SLC6A19: variants seen among roughly 807,000 people sequenced by gnomAD.
SLC6A19 encodes the protein solute carrier family 6 member 19.
SLC6A19 carries 67 observed loss-of-function variants against 68.3 expected under a neutral mutation model. The ratio of observed to expected loss-of-function variants is 0.98; its 90% CI spans 0.81 to 1.20. SLC6A19 has a LOEUF of 1.20. Ranked by LOEUF, SLC6A19 falls within the 50% of genes most tolerant of loss-of-function variation. The probability of loss-of-function intolerance (pLI) is 0.00; values close to 1 mark genes in which losing one functional copy is unlikely to be tolerated. For missense variants in SLC6A19, 813 were observed against 851.6 expected (o/e 0.95, Z 0.56); for synonymous variants, 392 against 374.9 (o/e 1.05, Z -0.53).
chr5:1,214,191 C>T lies in SLC6A19; in HGVS notation c.887+126C>T. Reference sequence around the variant, plus strand: ...CCGGGGCCTTGCTGCCCCGATGGGCCCGTTCCCTCCTGCTCGGGGTCCATG... The same window carrying T: ...CCGGGGCCTTGCTGCCCCGATGGGCTCGTTCCCTCCTGCTCGGGGTCCATG... On this transcript the variant is annotated intron_variant, in intron 6 of 11. Transcript: ENST00000304460. The surrounding 1 kb of genome is among the most constrained non-coding windows in gnomAD (Gnocchi z 7.4). The T allele has an allele frequency of 6.6e-7, 1 of 1,516,352 alleles. No individual in the cohort carries two copies. Among genetic ancestry groups the T allele is most frequent in the Non-Finnish European group, 8.9e-7 (1 of 1,127,606 alleles). 93.9% of individuals were successfully genotyped at this position (1,516,352 alleles called of 1,614,324 possible).
rs1054464669 is a variant in SLC6A19 at position 1,215,990 on chromosome 5, T to G, written c.888-568T>G. Among the ~76,000 whole-genome samples the G allele has an allele frequency of 6.6e-6, 1 of 152,204 alleles. No individual in the cohort carries two copies. Among genetic ancestry groups the G allele is most frequent in the Non-Finnish European group, 1.5e-5 (1 of 68,036 alleles). On this transcript the variant is annotated intron_variant, in intron 6 of 11. Transcript: ENST00000304460. This position sits in a 1 kb window ranked among gnomAD's most constrained non-coding sequence, Gnocchi z 5.1. Reference sequence around the variant, plus strand: ...TTTCCCTGAGGCTAACAGATTCAGCTTTTGATGGAAGCATCTGGAAGGATG... The same window carrying G: ...TTTCCCTGAGGCTAACAGATTCAGCGTTTGATGGAAGCATCTGGAAGGATG...
intron 11 of SLC6A19, 128 bp from the exon 12 acceptor site, chr5:1,221,573 G>A: frequency 8.2e-7 from 1 of 1,226,480 alleles, no homozygotes; most frequent in Non-Finnish European, 1.2e-6. Flanking sequence ...GGAAGCTGGA[G>A]GAGCCCCAGG....
In SLC6A19 at chr5:1,201,630, C is replaced by T. The variant is rs370713589; in HGVS notation, c.-21C>T. 139 of 1,597,322 alleles carry T rather than the reference C, an allele frequency of 8.7e-5. 1 individual carries two copies. Among genetic ancestry groups the T allele is most frequent in the Admixed American group, 2.7e-4 (16 of 59,150 alleles). ...CAGCTTCTGCCCTGCCTGCTGTGTGCGGAGCCGTCCAGCGACCACCATGGT... is the reference window on the plus strand; with the variant it reads ...CAGCTTCTGCCCTGCCTGCTGTGTGTGGAGCCGTCCAGCGACCACCATGGT... On this transcript the variant is annotated 5_prime_UTR_variant, in exon 1 of 12. Transcript: ENST00000304460.
In SLC6A19 at chr5:1,208,180, G is replaced by A. The variant is rs4246744; in HGVS notation, c.203-566G>A. 5.8e-4 allele frequency among the ~76,000 whole-genome samples: 89 copies of A among 152,184 alleles called. 3 individuals carry two copies. The East Asian group carries it at 0.01, about 17-fold the overall frequency. On this transcript the variant is annotated intron_variant, in intron 1 of 11. Coordinates refer to ENST00000304460, the MANE Select transcript of SLC6A19 (RefSeq NM_001003841.3). ...AGAACTCTGTCTTAAGAACCAAAAC[G>A]GTCCCCATTAAACCCTAATTCCCCA...
rs1443135754 is a variant in SLC6A19, at chr5:1,215,572, C to T, written c.888-986C>T. ...TCAAGGCTCATCCCATCACAGCCGG[C>T]GTCAGAGCGCCATTCCTGTTTAGGG... is the stretch of plus-strand genomic sequence containing the variant. On this transcript the variant is annotated intron_variant, in intron 6 of 11. Coordinates refer to ENST00000304460, the MANE Select transcript of SLC6A19 (RefSeq NM_001003841.3). This position sits in a 1 kb window ranked among gnomAD's most constrained non-coding sequence, Gnocchi z 5.1. Among the ~76,000 whole-genome samples, 1 of 152,236 alleles carries T rather than the reference C, an allele frequency of 6.6e-6. No individual in the cohort carries two copies. The highest frequency in any genetic ancestry group is 1.5e-5 in the Non-Finnish European group (1 of 68,044).
intron 11 of SLC6A19, 72 bp from the exon 12 acceptor site, chr5:1,221,629 A>AG: frequency 1.3e-6 from 2 of 1,573,692 alleles, no homozygotes; most frequent in Non-Finnish European, 1.7e-6. Flanking sequence ...TCATGGGGTG[A>AG]GGGGCCTTTG....
At chr5:1,213,786 C>T (rs1189293129) in intron 5 of SLC6A19, among the ~76,000 whole-genome samples, 167 bp from the exon 6 acceptor site, 1 of 152,034 alleles carries the variant, frequency 6.6e-6, no homozygotes, top group Non-Finnish European at 1.5e-5. Flanking sequence ...CCCCTGTGAG[C>T]CGACGGAGCC....
Position 1,221,889 on chromosome 5 carries a change from G to C in SLC6A19, c.1890G>C (p.Gly630=). The change falls in exon 12 of 12, where the codon GGG becomes GGC. Residue 630 remains glycine, a synonymous_variant. Transcript: ENST00000304460. ...CACTGTCCACAGCCTCCATGAACGG[G>C]GACCTGAAGTACTGAGAAGGCCCAT... The part of the protein sequence containing the change: ...VSTLSTASMN[G]DLKY The C allele has an allele frequency of 6.2e-7, 1 of 1,614,104 alleles. No individual in the cohort carries two copies. Among genetic ancestry groups the C allele is most frequent in the East Asian group, 2.2e-5 (1 of 44,884 alleles).
chr5:1,216,060 G>T (rs1302812550), intron 6 of SLC6A19, among the ~76,000 whole-genome samples: 1 of 152,190 alleles, frequency 6.6e-6, no homozygotes, highest in African/African-American at 2.4e-5. Context: ...GAGCTGGCTG[G>T]GTTGGGTCAG....
chr5:1,213,516 C>G lies in SLC6A19; in HGVS notation c.717C>G (p.Ile239Met), dbSNP rs372335743. 1.7e-5 allele frequency: 27 copies of G among 1,608,366 alleles called. 1 individual carries two copies. The highest frequency in any genetic ancestry group is 1.6e-4 in the Middle Eastern group (1 of 6,068). Residue 239 changes from isoleucine (I) to methionine (M), a missense_variant, in exon 5 of 12, where the codon ATC becomes ATG. Physicochemically the swap from Ile to Met is conservative, Grantham distance 10. Coordinates refer to ENST00000304460, the MANE Select transcript of SLC6A19 (RefSeq NM_001003841.3). ...ATGTCGTCCTGACCATCTTCCTCAT[C>G]CGAGGCCTGACGCTGAAGGGCGCCA... Reference protein sequence around the residue: ...LPYVVLTIFLIRGLTLKGATN... With the variant: ...LPYVVLTIFLMRGLTLKGATN...
Position 1,215,597 on chromosome 5 carries a change from G to T in SLC6A19, c.888-961G>T, listed in dbSNP as rs76538096. Among the ~76,000 whole-genome samples, 71 of 152,356 alleles carry T rather than the reference G, an allele frequency of 4.7e-4. 1 individual carries two copies. In the East Asian group the frequency reaches 0.014, roughly 29 times the overall value. Reference sequence around the variant, plus strand: ...CGTCAGAGCGCCATTCCTGTTTAGGGCTGAGCAATATTTCATGGTGTGCAT... The same window carrying T: ...CGTCAGAGCGCCATTCCTGTTTAGGTCTGAGCAATATTTCATGGTGTGCAT... On this transcript the variant is annotated intron_variant, in intron 6 of 11. Coordinates refer to ENST00000304460, the MANE Select transcript of SLC6A19 (RefSeq NM_001003841.3). This position sits in a 1 kb window ranked among gnomAD's most constrained non-coding sequence, Gnocchi z 5.1.
chr5:1,214,442 C>T lies in SLC6A19; in HGVS notation c.887+377C>T, dbSNP rs1311528727. On this transcript the variant is annotated intron_variant, in intron 6 of 11. Transcript: ENST00000304460. This position sits in a 1 kb window ranked among gnomAD's most constrained non-coding sequence, Gnocchi z 7.4. ...TGGCGCCCCCGACGCCCTCCACGTCCCCGACCAAGGTCTGATCCTTCCACT... is the reference window on the plus strand; with the variant it reads ...TGGCGCCCCCGACGCCCTCCACGTCTCCGACCAAGGTCTGATCCTTCCACT... 6.6e-6 allele frequency among the ~76,000 whole-genome samples: 1 copy of T among 152,224 alleles called. No individual in the cohort carries two copies. Among genetic ancestry groups the T allele is most frequent in the Non-Finnish European group, 1.5e-5 (1 of 68,034 alleles).
At position 1,219,489 on chromosome 5, in the gene SLC6A19, G is replaced by A. The variant is rs1326153411; in HGVS notation, c.1379-16G>A. 2 of 1,609,452 alleles carry A rather than the reference G, an allele frequency of 1.2e-6. No individual in the cohort carries two copies. The highest frequency in any genetic ancestry group is 1.7e-4 in the Middle Eastern group (1 of 6,048). On this transcript the variant is annotated splice_polypyrimidine_tract_variant and intron_variant, in intron 9 of 11. Coordinates refer to ENST00000304460, the MANE Select transcript of SLC6A19 (RefSeq NM_001003841.3). ...AGCCCCTGGGCGTGTGAGCAGCTCT[G>A]TCCCCCGGCCTGCAGGCCTCATCTG... is the stretch of plus-strand genomic sequence containing the variant.
intron 6 of SLC6A19, among the ~76,000 whole-genome samples, chr5:1,216,257 G>A (rs543313046): frequency 7.2e-5 from 11 of 152,306 alleles, no homozygotes; most frequent in East Asian, 3.9e-4. Flanking sequence ...AAGACGGGGC[G>A]GAAAGAGACC....
Position 1,214,761 on chromosome 5 carries a change from G to T in SLC6A19, c.887+696G>T, listed in dbSNP as rs1206233582. ...CCTAGGGGTCAGGGTGGCCCTCCAGGCTGTGAAGGTGCGATTGGAGTCAGA... is the reference window on the plus strand; with the variant it reads ...CCTAGGGGTCAGGGTGGCCCTCCAGTCTGTGAAGGTGCGATTGGAGTCAGA... On this transcript the variant is annotated intron_variant, in intron 6 of 11. Transcript: ENST00000304460. The surrounding 1 kb of genome is among the most constrained non-coding windows in gnomAD (Gnocchi z 7.4). Among the ~76,000 whole-genome samples, 1 of 151,492 alleles carries T rather than the reference G, an allele frequency of 6.6e-6. No homozygotes were observed. The highest frequency in any genetic ancestry group is 1.5e-5 in the Non-Finnish European group (1 of 67,834).
In SLC6A19 at chr5:1,222,045, C is replaced by A; in HGVS notation, c.*141C>A. The A allele has an allele frequency of 2.2e-6, 2 of 902,594 alleles. No individual in the cohort carries two copies. The highest frequency in any genetic ancestry group is 3.4e-6 in the Non-Finnish European group (2 of 586,190). The allele number at this position is 902,594 out of a possible 1,614,324, so 55.9% of individuals were successfully genotyped here. ...TGTGTGAGTGTGTGTATTGTACACG[C>A]ATGTGCCATGTGTGCAGATATGTAT... On this transcript the variant is annotated 3_prime_UTR_variant, in exon 12 of 12. Coordinates refer to ENST00000304460, the MANE Select transcript of SLC6A19 (RefSeq NM_001003841.3).
At chr5:1,217,845 T>TC (rs1355813861) in intron 8 of SLC6A19, among the ~76,000 whole-genome samples, 1 of 152,142 alleles carries the variant, frequency 6.6e-6, no homozygotes, top group Non-Finnish European at 1.5e-5. Context: ...GTGCTGTTGC[T>TC]CCCCACCCCT....
In SLC6A19 at chr5:1,212,260, G is replaced by C; in HGVS notation, c.482-43G>C. 1.2e-6 allele frequency: 2 copies of C among 1,609,932 alleles called. No individual in the cohort carries two copies. The highest frequency in any genetic ancestry group is 1.7e-6 in the Non-Finnish European group (2 of 1,179,496). ...TCAGGGCCTTCCATTCTCCTCCCTT[G>C]GGGGACCCGTACCCTGAGGTGTGTG... On this transcript the variant is annotated intron_variant, in intron 3 of 11. Transcript: ENST00000304460. This position sits in a 1 kb window ranked among gnomAD's most constrained non-coding sequence, Gnocchi z 5.1.
chr5:1,221,618 G>A, intron 11 of SLC6A19, 83 bp from the exon 12 acceptor site: 1 of 1,545,930 alleles, frequency 6.5e-7, no homozygotes, highest in South Asian at 1.1e-5. Flanking sequence ...GGAGGTGAGA[G>A]TCATGGGGTG....
Sources: allele counts gnomAD v4.1 joint callset (sites outside exome capture counted in the v4.1 genomes callset), GRCh38; gene constraint gnomAD v4.1.1; non-coding constraint Gnocchi (gnomAD v3.1); transcripts MANE v1.5; gene names NCBI Gene and HGNC (gene_info 2026-07-23, HGNC 2026-07-21).